The following HIVEP1 variants were observed in gnomAD, a reference collection of about 807,000 sequenced individuals.
HIVEP1 encodes the protein HIVEP zinc finger 1.
In HIVEP1, 36 loss-of-function variants were observed where a neutral mutation model predicts 180.0. The ratio of observed to expected loss-of-function variants is 0.20; its 90% CI spans 0.15 to 0.26. The LOEUF (loss-of-function observed/expected upper bound fraction) is 0.26, where lower values mean the gene tolerates loss of function less well. HIVEP1 is among the 10% of genes least tolerant of loss of function. The pLI, the probability that HIVEP1 is intolerant of heterozygous loss-of-function variation, is 1.00. For synonymous variants in HIVEP1, 1,239 were observed against 1,239.0 expected (o/e 1.00, Z 0.00); for missense variants, 3,143 against 3,268.7 (o/e 0.96, Z 0.94).
At chr6:12,014,472 T>C (rs1767608998) in intron 1 of HIVEP1, among the ~76,000 whole-genome samples, 1 of 152,246 alleles carries the variant, frequency 6.6e-6, no homozygotes, top group African/African-American at 2.4e-5. Context: ...ACATAGTAGG[T>C]GCTCATAAGT....
intron 5 of HIVEP1, 42 bp from the exon 6 acceptor site, chr6:12,130,725 A>G (rs1220576614): frequency 8.0e-6 from 9 of 1,129,992 alleles, no homozygotes; most frequent in Non-Finnish European, 1.1e-5. Context: ...TCTCAGAGGC[A>G]TAGTGTCCAA....
chr6:12,010,428 C>G (rs1054161577), upstream of HIVEP1, among the ~76,000 whole-genome samples: 3 of 152,110 alleles, frequency 2.0e-5, no homozygotes, highest in Non-Finnish European at 4.4e-5. Context: ...GCCAGAGGTA[C>G]GATTTCCTCA....
upstream of HIVEP1, among the ~76,000 whole-genome samples, chr6:12,011,011 C>G (rs1199805226): frequency 6.6e-6 from 1 of 152,054 alleles, no homozygotes; most frequent in Non-Finnish European, 1.5e-5. Context: ...TAATTGCGCT[C>G]GCAGCTTCGG....
Position 12,161,804 on chromosome 6 carries a change from G to A in HIVEP1, c.6853G>A (p.Glu2285Lys), listed in dbSNP as rs756681143. 6.2e-7 allele frequency: 1 copy of A among 1,614,168 alleles called. No homozygotes were observed. Among genetic ancestry groups the A allele is most frequent in the Non-Finnish European group, 8.5e-7 (1 of 1,180,020 alleles). Residue 2285 changes from glutamate (E) to lysine (K), a missense_variant, in exon 8 of 9, where the codon GAA becomes AAA. Around this residue, in one of 12 missense-constraint regions of HIVEP1, gnomAD observed 595 missense variants for 602.2 expected, o/e 0.99. Transcript: ENST00000379388. ...GKARQRAARDENDTIPSVDTS... is the reference protein window; with the variant it reads ...GKARQRAARDKNDTIPSVDTS... ...GGCCAGGCAGCGTGCTGCGAGAGAT[G>A]AAAACGACACAATTCCGTCTGTAGA...
rs925183991 is a variant in HIVEP1 at position 12,050,473 on chromosome 6, T to C, written c.40+34805T>C. On this transcript the variant is annotated intron_variant, in intron 2 of 8. Coordinates refer to ENST00000379388, the MANE Select transcript of HIVEP1 (RefSeq NM_002114.4). ...TAGTGGCAGGCACCTGTAGTCCCAG[T>C]TACTCGGGAGGCTGAGGCAGGAGAA... Among the ~76,000 whole-genome samples the C allele has an allele frequency of 7.3e-5, 11 of 151,620 alleles. 1 individual carries two copies. The highest frequency in any genetic ancestry group is 6.6e-5 in the Admixed American group (1 of 15,240).
At chr6:12,134,254 T>C (rs1395737438) in intron 6 of HIVEP1, among the ~76,000 whole-genome samples, 1 of 152,182 alleles carries the variant, frequency 6.6e-6, no homozygotes, top group East Asian at 1.9e-4. Flanking sequence ...TTAATGTAAA[T>C]ATCAGAGATA....
At chr6:12,036,757 A>G (rs1356444883) in intron 2 of HIVEP1, among the ~76,000 whole-genome samples, 1 of 152,212 alleles carries the variant, frequency 6.6e-6, no homozygotes, top group East Asian at 1.9e-4. Context: ...TACAAAAATT[A>G]GCTGGGTGTG....
chr6:12,070,021 C>T (rs1280280813), intron 2 of HIVEP1, among the ~76,000 whole-genome samples: 1 of 152,138 alleles, frequency 6.6e-6, no homozygotes, highest in Non-Finnish European at 1.5e-5. Context: ...GTATCATTGT[C>T]TTCCATCTCT....
intron 2 of HIVEP1, among the ~76,000 whole-genome samples, chr6:12,055,017 G>A (rs187908398): frequency 1.1e-4 from 17 of 152,274 alleles, no homozygotes; most frequent in African/African-American, 3.9e-4. Flanking sequence ...GAACAAGATG[G>A]GCAAGTTCCT....
At chr6:12,100,492 G>A (rs1774055392) in intron 3 of HIVEP1, among the ~76,000 whole-genome samples, 1 of 152,192 alleles carries the variant, frequency 6.6e-6, no homozygotes, top group Non-Finnish European at 1.5e-5. Context: ...ACTGTATACA[G>A]TAAGAGACAG....
chr6:12,130,906 C>A lies in HIVEP1; in HGVS notation c.6349C>A (p.His2117Asn). Residue 2117 changes from histidine (H) to asparagine (N), a missense_variant, in exon 6 of 9, where the codon CAC becomes AAC. Coordinates refer to ENST00000379388, the MANE Select transcript of HIVEP1 (RefSeq NM_002114.4). ...IRTHTDVRPYHCTYCNFSFKT... is the reference protein window; with the variant it reads ...IRTHTDVRPYNCTYCNFSFKT... ...AACCCATACAGATGTCCGCCCCTAC[C>A]ACTGCACTTACTGTAACTTCTCCTT... 1 of 1,611,372 alleles carries A rather than the reference C, an allele frequency of 6.2e-7. No homozygotes were observed. Among genetic ancestry groups the A allele is most frequent in the Non-Finnish European group, 8.5e-7 (1 of 1,178,058 alleles).
chr6:12,051,018 A>ATATATATATATATATATATC, intron 2 of HIVEP1, among the ~76,000 whole-genome samples: 1 of 138,396 alleles, frequency 7.2e-6, no homozygotes, highest in South Asian at 2.4e-4. Flanking sequence ...ATATATATAT[A>ATATATATATATATATATATC]TATATATATA....
At chr6:12,144,829 T>G (rs1203873416) in intron 7 of HIVEP1, among the ~76,000 whole-genome samples, 2 of 152,182 alleles carry the variant, frequency 1.3e-5, no homozygotes, top group African/African-American at 2.4e-5. Flanking sequence ...AGATACCATC[T>G]CACACCAGTT....
intron 3 of HIVEP1, among the ~76,000 whole-genome samples, chr6:12,109,588 T>C (rs1020758132): frequency 3.3e-5 from 5 of 152,246 alleles, no homozygotes; most frequent in African/African-American, 1.2e-4. Context: ...TCAAGCCTTA[T>C]CGTGAGATTG....
In HIVEP1 at chr6:12,015,814, A is replaced by G. The variant is rs1053878306; in HGVS notation, c.40+146A>G. The G allele has an allele frequency of 6.0e-6, 4 of 668,672 alleles. No individual in the cohort carries two copies. In the African/African-American group the frequency reaches 7.3e-5, roughly 12 times the overall value. 41.4% of individuals were successfully genotyped at this position (668,672 alleles called of 1,614,324 possible). A position where few individuals can be genotyped will look rare whatever the true frequency, so the allele number is the denominator to read the frequency against. On this transcript the variant is annotated intron_variant, in intron 2 of 8. Coordinates refer to ENST00000379388, the MANE Select transcript of HIVEP1 (RefSeq NM_002114.4). The stretch of plus-strand genomic sequence containing the variant: ...TCTTGCTCATTTCCAGCAGTCCTGC[A>G]CAATTCCTGTCTCTCAGGAGATACT...
At chr6:12,198,555 T>A in the HIVEP1 span, among the ~76,000 whole-genome samples, 1 of 152,240 alleles carries the variant, frequency 6.6e-6, no homozygotes, top group East Asian at 1.9e-4. Context: ...TACATTGTAG[T>A]GGTAAGGAGA....
chr6:12,061,140 G>A (rs1771204159), intron 2 of HIVEP1, among the ~76,000 whole-genome samples: 1 of 152,160 alleles, frequency 6.6e-6, no homozygotes. Context: ...ACCCCTGGGT[G>A]TGACGGATGT....
chr6:12,112,293 C>T (rs1774947117), intron 3 of HIVEP1, among the ~76,000 whole-genome samples: 1 of 151,986 alleles, frequency 6.6e-6, no homozygotes, highest in Non-Finnish European at 1.5e-5. Context: ...TAATGTTTTT[C>T]TACCCTCTGG....
chr6:12,011,285 GCCT>G, upstream of HIVEP1, among the ~76,000 whole-genome samples: 2 of 89,508 alleles, frequency 2.2e-5, no homozygotes, highest in East Asian at 7.3e-4. Context: ...CCCCCCCCCC[GCCT>G]CCCCCTCCCC....
Sources: allele counts gnomAD v4.1 joint callset (sites outside exome capture counted in the v4.1 genomes callset), GRCh38; gene constraint gnomAD v4.1.1; regional missense constraint gnomAD v4.1.1; transcripts MANE v1.5; gene names NCBI Gene and HGNC (gene_info 2026-07-23, HGNC 2026-07-21).